NSMCE2: variants seen among roughly 807,000 people sequenced by gnomAD.
The protein encoded by NSMCE2 is NSE2 SUMO ligase component of SMC5/6 complex.
NSMCE2 carries 24 observed loss-of-function variants against 23.8 expected under a neutral mutation model. The observed-to-expected ratio is 1.01, with a 90% CI of 0.73 to 1.42. NSMCE2 has a LOEUF of 1.42. NSMCE2 is among the 40% of genes most tolerant of loss of function. The pLI is 0.00. For missense variants in NSMCE2, 284 were observed against 296.5 expected (o/e 0.96, Z 0.31); for synonymous variants, 92 against 94.1 (o/e 0.98, Z 0.13).
intron 5 of NSMCE2, among the ~76,000 whole-genome samples, chr8:125,198,070 G>A (rs1456098658): frequency 6.6e-6 from 1 of 152,184 alleles, no homozygotes; most frequent in African/African-American, 2.4e-5. Context: ...TTGCTTATCA[G>A]CTTAAGGAGA....
intron 5 of NSMCE2, among the ~76,000 whole-genome samples, chr8:125,216,352 C>G (rs184363897): frequency 2.0e-5 from 3 of 152,112 alleles, no homozygotes; most frequent in Non-Finnish European, 4.4e-5. Context: ...ATCAAATGAT[C>G]TGTGGGTCCG....
At position 125,254,416 on chromosome 8, in the gene NSMCE2, A is replaced by G. The variant is rs952716294; in HGVS notation, c.418+72160A>G. Among the ~76,000 whole-genome samples, 7 of 152,362 alleles carry G rather than the reference A, an allele frequency of 4.6e-5. No homozygotes were observed. The South Asian group carries it at 8.3e-4, about 18-fold the overall frequency. On this transcript the variant is annotated intron_variant, in intron 5 of 7. Transcript: ENST00000287437. ...ACAAAAGTAAATAGTGTCCCCTTTTACAAGAAAGAAAATTAACCATGCTCA... is the reference window on the plus strand; with the variant it reads ...ACAAAAGTAAATAGTGTCCCCTTTTGCAAGAAAGAAAATTAACCATGCTCA...
At chr8:125,124,975 A>G (rs189541477) in intron 3 of NSMCE2, among the ~76,000 whole-genome samples, 1 of 151,858 alleles carries the variant, frequency 6.6e-6, no homozygotes, top group Admixed American at 6.6e-5. Flanking sequence ...TTATATTTTT[A>G]GTAGAGATGG....
At chr8:125,327,791 T>C (rs563718395) in intron 5 of NSMCE2, among the ~76,000 whole-genome samples, 8 of 152,114 alleles carry the variant, frequency 5.3e-5, no homozygotes, top group Middle Eastern at 3.2e-3. Flanking sequence ...ATACAATTGT[T>C]TTAGGATTTA....
chr8:125,191,675 G>C (rs1823349137), intron 5 of NSMCE2, among the ~76,000 whole-genome samples: 1 of 152,162 alleles, frequency 6.6e-6, no homozygotes, highest in South Asian at 2.1e-4. Flanking sequence ...TGTTTCTGGT[G>C]GAATAGTTGG....
Position 125,352,408 on chromosome 8 carries a change from G to A in NSMCE2, c.419-4811G>A, listed in dbSNP as rs531934621. Reference sequence around the variant, plus strand: ...GGAGAATCGCTTGAACCCGGGAGGCGGAGGTTGCAGTGAGCCGAGATCACG... The same window carrying A: ...GGAGAATCGCTTGAACCCGGGAGGCAGAGGTTGCAGTGAGCCGAGATCACG... On this transcript the variant is annotated intron_variant, in intron 5 of 7. Coordinates refer to ENST00000287437, the MANE Select transcript of NSMCE2 (RefSeq NM_173685.4). 8.6e-5 allele frequency among the ~76,000 whole-genome samples: 13 copies of A among 151,392 alleles called. No individual in the cohort carries two copies. In the South Asian group the frequency reaches 1.5e-3, roughly 17 times the overall value.
chr8:125,125,070 C>T (rs57252921), intron 3 of NSMCE2, among the ~76,000 whole-genome samples: 14,900 of 152,132 alleles, frequency 0.098, 943 homozygotes, highest in South Asian at 0.17. Flanking sequence ...GCTGGGACTA[C>T]GGGTGTGAGC....
chr8:125,100,285 T>A (rs1476620098), intron 1 of NSMCE2, among the ~76,000 whole-genome samples: 1 of 152,148 alleles, frequency 6.6e-6, no homozygotes, highest in Non-Finnish European at 1.5e-5. Flanking sequence ...AGTATTGTCT[T>A]ATGTACTCTG....
At chr8:125,112,409 G>A (rs563654651) in intron 3 of NSMCE2, among the ~76,000 whole-genome samples, 5 of 152,284 alleles carry the variant, frequency 3.3e-5, no homozygotes, top group Non-Finnish European at 5.9e-5. Flanking sequence ...GTATCCAAAG[G>A]ATGTATGTCA....
Position 125,190,399 on chromosome 8 carries a change from C to G in NSMCE2, c.418+8143C>G, listed in dbSNP as rs143773721. ...ACAACAAAGCTAGTGAACAGTAGAA[C>G]CAGAAGACAGACGGTGCCAAGGATG... On this transcript the variant is annotated intron_variant, in intron 5 of 7. Coordinates refer to ENST00000287437, the MANE Select transcript of NSMCE2 (RefSeq NM_173685.4). Among the ~76,000 whole-genome samples the G allele has an allele frequency of 5.1e-3, 771 of 152,188 alleles. 8 individuals are homozygous for G. The highest frequency in any genetic ancestry group is 0.018 in the African/African-American group (742 of 41,510).
intron 4 of NSMCE2, among the ~76,000 whole-genome samples, chr8:125,159,693 G>A (rs1821502900): frequency 6.6e-6 from 1 of 152,092 alleles, no homozygotes; most frequent in Non-Finnish European, 1.5e-5. Flanking sequence ...GATAAGGGTG[G>A]ACTGCTGGAG....
At chr8:125,307,247 C>G (rs1828802268) in intron 5 of NSMCE2, among the ~76,000 whole-genome samples, 1 of 152,162 alleles carries the variant, frequency 6.6e-6, no homozygotes, top group Non-Finnish European at 1.5e-5. Flanking sequence ...TCTTTCCAAT[C>G]ACATGTGCAA....
chr8:125,349,409 CA>C (rs1489884411), intron 5 of NSMCE2, among the ~76,000 whole-genome samples: 2 of 152,090 alleles, frequency 1.3e-5, no homozygotes, highest in Admixed American at 1.3e-4. Flanking sequence ...GTATTTTCTT[CA>C]TATGCTACTT....
intron 5 of NSMCE2, among the ~76,000 whole-genome samples, chr8:125,291,132 G>C (rs1375519449): frequency 6.6e-6 from 1 of 152,196 alleles, no homozygotes; most frequent in South Asian, 2.1e-4. Context: ...GAGGGGTAAA[G>C]GAAGGGTTAC....
chr8:125,190,353 G>C (rs778344968), intron 5 of NSMCE2, among the ~76,000 whole-genome samples: 18 of 152,150 alleles, frequency 1.2e-4, no homozygotes, highest in Non-Finnish European at 2.2e-4. Context: ...GCCTCAGAGA[G>C]ATCAAGTGAC....
chr8:125,228,608 T>G (rs2130938041), intron 5 of NSMCE2, among the ~76,000 whole-genome samples: 1 of 152,034 alleles, frequency 6.6e-6, no homozygotes, highest in Middle Eastern at 3.4e-3. Context: ...AGGCTGAGAG[T>G]ATAGTACATT....
intron 5 of NSMCE2, among the ~76,000 whole-genome samples, chr8:125,306,708 A>G (rs115244470): frequency 5.8e-4 from 88 of 152,320 alleles, no homozygotes; most frequent in African/African-American, 2.1e-3. Flanking sequence ...TTATCTTGAT[A>G]TCCAGTCTTC....
chr8:125,159,322 G>A lies in NSMCE2; in HGVS notation c.264+8045G>A, dbSNP rs148254050. ...ACCACATAACAATATTTCAGTTAAC[G>A]AGGGGCCATACATATGATGGTGGTG... On this transcript the variant is annotated intron_variant, in intron 4 of 7. Transcript: ENST00000287437. Among the ~76,000 whole-genome samples the A allele has an allele frequency of 1.2e-4, 18 of 152,258 alleles. No homozygotes were observed. In the East Asian group the frequency reaches 3.5e-3, roughly 29 times the overall value.
chr8:125,148,419 C>G (rs1379743751), intron 3 of NSMCE2, among the ~76,000 whole-genome samples: 1 of 152,282 alleles, frequency 6.6e-6, no homozygotes, highest in East Asian at 1.9e-4. Flanking sequence ...TTTTGAATAT[C>G]TTAGGCACAT....
Sources: gnomAD v4.1 joint callset for allele counts (sites outside exome capture counted in the v4.1 genomes callset) on GRCh38, gnomAD v4.1.1 for gene constraint, MANE v1.5 for transcripts, NCBI Gene and HGNC (gene_info 2026-07-23, HGNC 2026-07-21) for gene names.